The following CFAP300 variants were observed in gnomAD, a reference collection of about 807,000 sequenced individuals.
CFAP300 encodes the protein cilia- and flagella-associated protein 300.
A neutral mutation model predicts 33.0 loss-of-function variants in CFAP300; 32 were observed. The ratio of observed to expected loss-of-function variants is 0.97; its 90% CI spans 0.73 to 1.30. CFAP300 has a LOEUF of 1.30. Ranked by LOEUF, CFAP300 falls within the 50% of genes most tolerant of loss-of-function variation. The pLI is 0.00. For missense variants in CFAP300, 356 were observed against 318.1 expected (o/e 1.12, Z -0.90); for synonymous variants, 102 against 106.8 (o/e 0.95, Z 0.28).
At chr11:102,071,338 T>C (rs1942310216) in intron 4 of CFAP300, among the ~76,000 whole-genome samples, 1 of 152,184 alleles carries the variant, frequency 6.6e-6, no homozygotes, top group Non-Finnish European at 1.5e-5. Context: ...GAGTTTGCTA[T>C]GGGCAACATA....
At chr11:102,073,805 G>A (rs1277634826) in intron 4 of CFAP300, among the ~76,000 whole-genome samples, 1 of 152,144 alleles carries the variant, frequency 6.6e-6, no homozygotes, top group Admixed American at 6.5e-5. Context: ...TAGTGGCCCT[G>A]CTACCAAGGG....
At chr11:102,047,952 C>A in intron 2 of CFAP300, 56 bp downstream of exon 2, 1 of 1,556,088 alleles carries the variant, frequency 6.4e-7, no homozygotes, top group Non-Finnish European at 8.8e-7. Context: ...AAACTTCCCC[C>A]CAAGTTGGCA....
chr11:102,057,637 CAAA>C (rs1259152398), intron 2 of CFAP300, among the ~76,000 whole-genome samples: 1 of 152,160 alleles, frequency 6.6e-6, no homozygotes, highest in East Asian at 1.9e-4. Context: ...TGAAACCTCC[CAAA>C]ATGCAAGGAA....
chr11:102,080,410 T>C lies in CFAP300; in HGVS notation c.609-805T>C, dbSNP rs186227886. On this transcript the variant is annotated intron_variant, in intron 5 of 6. Coordinates refer to ENST00000434758, the MANE Select transcript of CFAP300 (RefSeq NM_032930.3). The stretch of plus-strand genomic sequence containing the variant: ...AATAGTTGTTTGGGGTTTTTTGGGA[T>C]TTGTTTGTTTGTTTGTTTGTTTTTG... Among the ~76,000 whole-genome samples, 353 of 151,924 alleles carry C rather than the reference T, an allele frequency of 2.3e-3. 1 individual carries two copies. Among genetic ancestry groups the C allele is most frequent in the African/African-American group, 7.7e-3 (321 of 41,454 alleles).
intron 4 of CFAP300, among the ~76,000 whole-genome samples, chr11:102,071,305 A>G (rs1327868966): frequency 6.6e-6 from 1 of 151,950 alleles, no homozygotes; most frequent in African/African-American, 2.4e-5. Flanking sequence ...GTCCCTTTTT[A>G]CTGTTTTATT....
intron 2 of CFAP300, among the ~76,000 whole-genome samples, chr11:102,049,465 A>G (rs545783625): frequency 1.5e-4 from 23 of 152,128 alleles, no homozygotes; most frequent in Non-Finnish European, 2.5e-4. Context: ...GAAGGATGTA[A>G]ATTTTGGGGG....
chr11:102,065,156 G>C (rs2135032044), intron 3 of CFAP300, among the ~76,000 whole-genome samples: 1 of 152,226 alleles, frequency 6.6e-6, no homozygotes, highest in East Asian at 1.9e-4. Context: ...ACCCAGGCTG[G>C]AGTGCAGTGG....
At chr11:102,049,923 G>A (rs1941944444) in intron 2 of CFAP300, among the ~76,000 whole-genome samples, 3 of 152,124 alleles carry the variant, frequency 2.0e-5, no homozygotes, top group Admixed American at 2.0e-4. Context: ...GGCTGAGGCA[G>A]GAGGATCACT....
chr11:102,067,212 C>T (rs1484925631), intron 4 of CFAP300, among the ~76,000 whole-genome samples: 1 of 152,114 alleles, frequency 6.6e-6, no homozygotes, highest in African/African-American at 2.4e-5. Context: ...GTGGCTCACA[C>T]CTGTATTCCC....
chr11:102,078,419 A>G (rs1400220704), intron 5 of CFAP300, among the ~76,000 whole-genome samples: 7 of 152,224 alleles, frequency 4.6e-5, no homozygotes, highest in African/African-American at 1.7e-4. Flanking sequence ...GGAGTTAGTG[A>G]TGGATAAAGA....
intron 2 of CFAP300, among the ~76,000 whole-genome samples, chr11:102,055,727 C>T (rs1041870989): frequency 7.1e-6 from 1 of 139,914 alleles, no homozygotes; most frequent in African/African-American, 2.7e-5. Context: ...GGCTGGAGTG[C>T]AGTGGCACGA....
intron 2 of CFAP300, among the ~76,000 whole-genome samples, chr11:102,052,429 T>C (rs1419499889): frequency 3.3e-5 from 5 of 152,222 alleles, no homozygotes; most frequent in Non-Finnish European, 7.3e-5. Flanking sequence ...AAGACTAAAA[T>C]GTCATAAGGC....
intron 2 of CFAP300, among the ~76,000 whole-genome samples, chr11:102,052,108 T>C (rs909773011): frequency 1.3e-5 from 2 of 152,218 alleles, no homozygotes; most frequent in East Asian, 1.9e-4. Flanking sequence ...ATCTCAATAA[T>C]GTAACTTGCA....
chr11:102,055,790 A>G (rs1440540068), intron 2 of CFAP300, among the ~76,000 whole-genome samples: 2 of 147,812 alleles, frequency 1.4e-5, no homozygotes, highest in Admixed American at 1.4e-4. Flanking sequence ...CTCCTGCCTC[A>G]GCCTCCCGAG....
chr11:102,071,834 A>G (rs909564532), intron 4 of CFAP300, among the ~76,000 whole-genome samples: 3 of 152,088 alleles, frequency 2.0e-5, no homozygotes, highest in Non-Finnish European at 4.4e-5. Context: ...TTGTGAGTCT[A>G]TTGAGGGTTT....
intron 3 of CFAP300, among the ~76,000 whole-genome samples, chr11:102,063,295 G>T (rs1268956273): frequency 6.6e-6 from 1 of 152,196 alleles, no homozygotes; most frequent in East Asian, 1.9e-4. Context: ...TACGTTAAGG[G>T]CTTGCTTGAC....
At chr11:102,049,886 C>G (rs931568567) in intron 2 of CFAP300, among the ~76,000 whole-genome samples, 4 of 151,218 alleles carry the variant, frequency 2.6e-5, no homozygotes, top group Non-Finnish European at 4.4e-5. Context: ...CATGGTGGCT[C>G]ACAACTGTAA....
chr11:102,055,480 C>A (rs1251497422), intron 2 of CFAP300, among the ~76,000 whole-genome samples: 1 of 150,410 alleles, frequency 6.6e-6, no homozygotes, highest in Non-Finnish European at 1.5e-5. Flanking sequence ...AACTCAGCCT[C>A]CCGAGTAGCT....
At chr11:102,057,033 A>G (rs952483993) in intron 2 of CFAP300, among the ~76,000 whole-genome samples, 3 of 152,102 alleles carry the variant, frequency 2.0e-5, no homozygotes, top group Non-Finnish European at 4.4e-5. Context: ...AAAGAAAAAT[A>G]ATTATAAAAT....
Sources: allele counts gnomAD v4.1 joint callset (sites outside exome capture counted in the v4.1 genomes callset), GRCh38; gene constraint gnomAD v4.1.1; transcripts MANE v1.5; gene names NCBI Gene and HGNC (gene_info 2026-07-23, HGNC 2026-07-21).